Variants in PCGF3 observed in about 807,000 individuals in gnomAD.
PCGF3 encodes the protein polycomb group RING finger protein 3.
In PCGF3, 7 loss-of-function variants were observed where a neutral mutation model predicts 33.1. That is an observed-to-expected ratio of 0.21 (90% CI 0.12 to 0.40). PCGF3 has a LOEUF of 0.40. Ranked by LOEUF, PCGF3 falls within the 10% of genes least tolerant of loss-of-function variation. The pLI, the probability that PCGF3 is intolerant of heterozygous loss-of-function variation, is 1.00. For synonymous variants in PCGF3, 153 were observed against 121.3 expected, an observed-to-expected ratio of 1.26 and a Z score of -1.72; for missense variants, 211 against 313.3, an observed-to-expected ratio of 0.67 and a Z score of 2.46.
At chr4:734,420 A>C in intron 4 of PCGF3, 2 of 1,328,136 alleles carry the variant, frequency 1.5e-6, no homozygotes, top group Non-Finnish European at 1.9e-6. Context: ...CGCTTATAAT[A>C]CAAGTGATGC....
chr4:757,853 T>G (rs537792626), intron 8 of PCGF3: 1 of 152,274 alleles, frequency 6.6e-6, no homozygotes, highest in Non-Finnish European at 1.5e-5. Flanking sequence ...TTACAAAATG[T>G]ATAAACTATT....
rs1176117828 is a variant in PCGF3, at chr4:743,775, G to C, written c.373+191G>C. The C allele has an allele frequency of 7.7e-6, 4 of 518,928 alleles. No individual in the cohort carries two copies. In the African/African-American group the frequency reaches 7.7e-5, roughly 10 times the overall value. 32.1% of individuals were successfully genotyped at this position (518,928 alleles called of 1,614,324 possible). A position where few individuals can be genotyped will look rare whatever the true frequency, so the allele number is the denominator to read the frequency against. On this transcript the variant is annotated intron_variant, in intron 7 of 10. Coordinates refer to ENST00000362003, the Ensembl canonical transcript of PCGF3. ...CCTGGTACCAGTGGGAACGTGGGCA[G>C]AGGGGAAAAGCCAGCAGGGGAGAGC...
chr4:715,578 T>A (rs2109528429), intron 1 of PCGF3, among the ~76,000 whole-genome samples: 1 of 119,846 alleles, frequency 8.3e-6, no homozygotes, highest in East Asian at 3.1e-4. Context: ...TGGGACCCTG[T>A]GGACACTGTG....
chr4:726,461 T>C (rs1465777312), intron 1 of PCGF3, among the ~76,000 whole-genome samples: 2 of 152,244 alleles, frequency 1.3e-5, no homozygotes, highest in African/African-American at 4.8e-5. Flanking sequence ...GTTGTGGCCC[T>C]GGAGGCACTG....
At chr4:753,268 C>T (rs370677066) in intron 8 of PCGF3, among the ~76,000 whole-genome samples, 56 of 152,362 alleles carry the variant, frequency 3.7e-4, no homozygotes, top group African/African-American at 7.7e-4. Context: ...CCTGCAGCCT[C>T]GACCTCTTGG....
chr4:733,124 G>A (rs1168916380), intron 3 of PCGF3, among the ~76,000 whole-genome samples: 1 of 147,660 alleles, frequency 6.8e-6, no homozygotes, highest in Admixed American at 6.9e-5. Context: ...CAGGCTCTGG[G>A]AGACACAGCC....
At chr4:729,648 C>T (rs767482043) in intron 1 of PCGF3, among the ~76,000 whole-genome samples, 7 of 152,026 alleles carry the variant, frequency 4.6e-5, no homozygotes, top group African/African-American at 1.2e-4. Context: ...TGCTGATCTC[C>T]CCTTATATTT....
At chr4:751,486 G>C (rs950158213) in intron 8 of PCGF3, among the ~76,000 whole-genome samples, 1 of 152,066 alleles carries the variant, frequency 6.6e-6, no homozygotes, top group Non-Finnish European at 1.5e-5. Flanking sequence ...GGTGGCCCCT[G>C]AGCTCCTGCC....
intron 1 of PCGF3, among the ~76,000 whole-genome samples, chr4:715,523 G>A (rs1435926062): frequency 6.9e-6 from 1 of 144,878 alleles, no homozygotes; most frequent in African/African-American, 2.5e-5. Flanking sequence ...GGGCGTCGGT[G>A]CTGGGACCCT....
intron 3 of PCGF3, among the ~76,000 whole-genome samples, chr4:732,130 G>T (rs1427363707): frequency 1.1e-5 from 1 of 90,548 alleles, no homozygotes; most frequent in Non-Finnish European, 2.2e-5. Context: ...GTCCTCAGGG[G>T]CGTAGGGCGG....
At chr4:726,808 G>T (rs1236331302) in intron 1 of PCGF3, among the ~76,000 whole-genome samples, 1 of 152,134 alleles carries the variant, frequency 6.6e-6, no homozygotes, top group Non-Finnish European at 1.5e-5. Flanking sequence ...AAATTCACCA[G>T]TTTTATTGTG....
chr4:730,599 C>T lies in PCGF3; in HGVS notation c.-189-31C>T, dbSNP rs367720175. The T allele has an allele frequency of 1.1e-3, 178 of 159,876 alleles. 3 individuals are homozygous for T. The South Asian group carries it at 0.032, about 29-fold the overall frequency. The allele number at this position is 159,876 out of a possible 1,614,324, so 9.9% of individuals were successfully genotyped here. On this transcript the variant is annotated intron_variant, in intron 1 of 10. Transcript: ENST00000362003. ...GTGGGGGTCGTCCGCCTCCGGCCCACGGGTAACCCTGTTGTGCTTTTTCTC... is the reference window on the plus strand; with the variant it reads ...GTGGGGGTCGTCCGCCTCCGGCCCATGGGTAACCCTGTTGTGCTTTTTCTC...
chr4:734,936 A>C, exon 5 of PCGF3: 1 of 1,613,432 alleles, frequency 6.2e-7, no homozygotes, highest in Non-Finnish European at 8.5e-7. Context: ...GACAGTCTGC[A>C]GGAGCTGCCT....
At chr4:738,816 G>A (rs193004076) in intron 6 of PCGF3, among the ~76,000 whole-genome samples, 6 of 152,076 alleles carry the variant, frequency 3.9e-5, no homozygotes, top group Admixed American at 3.3e-4. Context: ...CTGAGATCGC[G>A]CCACTGCACT....
At chr4:719,919 C>T (rs546081901) in intron 1 of PCGF3, among the ~76,000 whole-genome samples, 22 of 152,222 alleles carry the variant, frequency 1.4e-4, no homozygotes, top group African/African-American at 3.1e-4. Context: ...ACTCTCCGGA[C>T]GATGGGAACG....
At chr4:766,049 G>C (rs990010473) in exon 11 of PCGF3, 1 of 1,614,004 alleles carries the variant, frequency 6.2e-7, no homozygotes, top group African/African-American at 1.3e-5. Context: ...CGCTCCTGCT[G>C]CACTACAGAC....
chr4:762,898 A>C (rs6838241), intron 9 of PCGF3: 42,662 of 152,078 alleles, frequency 0.28, 6,137 homozygotes, highest in Middle Eastern at 0.34. Context: ...TGCAGAGAAA[A>C]GGAAGGGGTC....
chr4:714,032 G>C (rs950042681), intron 1 of PCGF3, among the ~76,000 whole-genome samples: 1 of 152,114 alleles, frequency 6.6e-6, no homozygotes, highest in African/African-American at 2.4e-5. Context: ...ATCCATGGGG[G>C]ACCCTAACCC....
intron 3 of PCGF3, chr4:731,436 G>T (rs372904862): frequency 2.9e-6 from 1 of 349,376 alleles, no homozygotes; most frequent in Non-Finnish European, 5.2e-6. Flanking sequence ...GTTGTGAGGC[G>T]GTCGGCTAGC....
Sources: gnomAD v4.1 joint callset for allele counts (sites outside exome capture counted in the v4.1 genomes callset) on GRCh38, gnomAD v4.1.1 for gene constraint, MANE v1.5 for transcripts, NCBI Gene and HGNC (gene_info 2026-07-23, HGNC 2026-07-21) for gene names.